AFF2: variants seen among roughly 807,000 people sequenced by gnomAD.
AFF2 encodes the protein ALF transcription elongation factor 2, also known as AF4/FMR2 family member 2.
A neutral mutation model predicts 76.9 loss-of-function variants in AFF2; 14 were observed. The ratio of observed to expected loss-of-function variants is 0.18; its 90% CI spans 0.12 to 0.28. The LOEUF (loss-of-function observed/expected upper bound fraction) is 0.28, where lower values mean the gene tolerates loss of function less well. Ranked by LOEUF, AFF2 falls within the 10% of genes least tolerant of loss-of-function variation. AFF2 has a pLI of 1.00. For synonymous variants in AFF2, 398 were observed against 366.7 expected (o/e 1.09, Z -0.98); for missense variants, 868 against 1,001.1 (o/e 0.87, Z 1.79).
intron 7 of AFF2, among the ~76,000 whole-genome samples, chrX:148,870,625 T>A (rs2070962097): frequency 8.9e-6 from 1 of 112,283 alleles, no homozygotes; most frequent in African/African-American, 3.2e-5. Flanking sequence ...GTGGCTGTTG[T>A]GAAGCTGTCA....
At chrX:148,893,766 A>T (rs1426012775) in intron 8 of AFF2, among the ~76,000 whole-genome samples, 1 of 112,021 alleles carries the variant, frequency 8.9e-6, no homozygotes, top group Non-Finnish European at 1.9e-5. Flanking sequence ...AGCACACAGC[A>T]CATATATGGT....
intron 1 of AFF2, among the ~76,000 whole-genome samples, chrX:148,525,278 A>G (rs1290192384): frequency 9.0e-6 from 1 of 111,480 alleles, no homozygotes; most frequent in Non-Finnish European, 1.9e-5. Flanking sequence ...GAGCTTTGAC[A>G]TAACATTTAA....
intron 1 of AFF2, among the ~76,000 whole-genome samples, chrX:148,604,013 T>G (rs1272349931): frequency 2.7e-5 from 3 of 111,789 alleles, no homozygotes; most frequent in African/African-American, 9.7e-5. Context: ...TATTCCTGGG[T>G]TTTTTGGTAC....
intron 3 of AFF2, among the ~76,000 whole-genome samples, chrX:148,807,887 A>G (rs1406665339): frequency 8.9e-6 from 1 of 112,553 alleles, no homozygotes; most frequent in African/African-American, 3.2e-5. Flanking sequence ...AATCATATAA[A>G]CATGTTAGAC....
intron 1 of AFF2, among the ~76,000 whole-genome samples, chrX:148,543,481 G>T (rs2052884088): frequency 1.8e-5 from 2 of 110,969 alleles, no homozygotes; most frequent in African/African-American, 6.6e-5. Flanking sequence ...TAATCTTATA[G>T]ACAAGGAATT....
At chrX:148,767,579 A>C (rs1557267854) in intron 3 of AFF2, among the ~76,000 whole-genome samples, 1 of 112,125 alleles carries the variant, frequency 8.9e-6, no homozygotes, top group African/African-American at 3.2e-5. Flanking sequence ...TTAAGACAGA[A>C]AGGCATCCTA....
chrX:148,930,584 C>G (rs183742865), intron 9 of AFF2, among the ~76,000 whole-genome samples: 62 of 112,558 alleles, frequency 5.5e-4, no homozygotes, highest in African/African-American at 1.9e-3. Context: ...CACTACATGT[C>G]CAAATGCTCT....
chrX:148,528,603 G>A (rs1487829373), intron 1 of AFF2, among the ~76,000 whole-genome samples: 2 of 111,349 alleles, frequency 1.8e-5, no homozygotes, highest in African/African-American at 6.5e-5. Context: ...GAAAGCTTCT[G>A]GAACTAGGGA....
At chrX:148,745,904 G>A (rs1208688548) in intron 3 of AFF2, among the ~76,000 whole-genome samples, 11 of 110,300 alleles carry the variant, frequency 1.0e-4, no homozygotes, top group East Asian at 2.9e-4. Flanking sequence ...CACCACGCCC[G>A]GCTAATTTAT....
intron 9 of AFF2, among the ~76,000 whole-genome samples, chrX:148,943,125 A>G (rs1603344678): frequency 1.8e-5 from 2 of 111,826 alleles, no homozygotes; most frequent in South Asian, 7.5e-4. Flanking sequence ...TCTCTTGGCA[A>G]TATGTTGTGT....
chrX:148,969,501 C>T (rs782247610), intron 15 of AFF2, among the ~76,000 whole-genome samples: 1 of 112,154 alleles, frequency 8.9e-6, no homozygotes, highest in Non-Finnish European at 1.9e-5. Flanking sequence ...TGGCCATTTG[C>T]ATATAACCTG....
At chrX:148,961,341 A>G (rs1312584669) in intron 12 of AFF2, among the ~76,000 whole-genome samples, 1 of 112,342 alleles carries the variant, frequency 8.9e-6, no homozygotes, top group African/African-American at 3.2e-5. Flanking sequence ...GAGCTTCCTC[A>G]TGGACAAGAA....
chrX:148,907,618 C>T (rs374350410), intron 9 of AFF2, among the ~76,000 whole-genome samples: 18 of 111,192 alleles, frequency 1.6e-4, no homozygotes, highest in Admixed American at 7.6e-4. Context: ...AGGGAGTGTA[C>T]GAATAGAGTG....
At chrX:148,669,779 T>C (rs2054401468) in intron 3 of AFF2, among the ~76,000 whole-genome samples, 1 of 111,513 alleles carries the variant, frequency 9.0e-6, no homozygotes, top group Non-Finnish European at 1.9e-5. Context: ...ACCAGTTTAT[T>C]TTTTTGTGCA....
At chrX:148,956,684 C>T in intron 11 of AFF2, 71 bp downstream of exon 11, 1 of 1,040,353 alleles carries the variant, frequency 9.6e-7, no homozygotes, top group Non-Finnish European at 1.3e-6. Flanking sequence ...TGATCTTGAG[C>T]CTCATCTTCA....
At chrX:148,947,539 T>C (rs2071915410) in intron 9 of AFF2, among the ~76,000 whole-genome samples, 1 of 111,799 alleles carries the variant, frequency 8.9e-6, no homozygotes. Flanking sequence ...GTTGCAGAAA[T>C]GGGCTAAGTG....
rs782769507 is a variant in AFF2, at chrX:148,664,221, A to C, written c.1041+1453A>C. 3.6e-5 allele frequency among the ~76,000 whole-genome samples: 4 copies of C among 112,113 alleles called. No homozygotes were observed. The East Asian group carries it at 8.5e-4, about 24-fold the overall frequency. On this transcript the variant is annotated intron_variant, in intron 3 of 20. Coordinates refer to ENST00000370460, the MANE Select transcript of AFF2 (RefSeq NM_002025.4). ...AGTACCTTCTCATCACTTCCAGGGA[A>C]AAGTCCAAATTTCTTAGTCACACAT...
At chrX:148,505,861 A>G (rs908310004) in intron 1 of AFF2, among the ~76,000 whole-genome samples, 29 of 111,819 alleles carry the variant, frequency 2.6e-4, no homozygotes, top group Non-Finnish European at 4.3e-4. Flanking sequence ...ATAAAGAGAG[A>G]TTTCAAAAAC....
intron 1 of AFF2, among the ~76,000 whole-genome samples, chrX:148,626,027 A>T (rs1007183659): frequency 1.8e-5 from 2 of 112,331 alleles, no homozygotes; most frequent in African/African-American, 6.5e-5. Flanking sequence ...AAAAAAGTAA[A>T]TGGTTTTAAA....
Sources: allele counts gnomAD v4.1 joint callset (sites outside exome capture counted in the v4.1 genomes callset), GRCh38; gene constraint gnomAD v4.1.1; transcripts MANE v1.5; gene names NCBI Gene and HGNC (gene_info 2026-07-23, HGNC 2026-07-21).